FOCAD: variants seen among roughly 807,000 people sequenced by gnomAD.
FOCAD encodes focadhesin, also known as KIAA1797.
A neutral mutation model predicts 225.6 loss-of-function variants in FOCAD; 198 were observed. The ratio of observed to expected loss-of-function variants is 0.88; its 90% CI spans 0.78 to 0.99. The LOEUF (loss-of-function observed/expected upper bound fraction) is 0.99. FOCAD is among the 50% of genes least tolerant of loss of function. FOCAD has a pLI of 0.00. For synonymous variants in FOCAD, 897 were observed against 755.0 expected (o/e 1.19, Z -3.08); for missense variants, 2,713 against 2,123.6 (o/e 1.28, Z -5.46).
chr9:20,924,224 G>GTTCAT (rs1834733890), intron 25 of FOCAD, among the ~76,000 whole-genome samples: 1 of 152,132 alleles, frequency 6.6e-6, no homozygotes, highest in South Asian at 2.1e-4. Context: ...GCTGGCCACT[G>GTTCAT]TTCATTTCTA....
Position 20,862,677 on chromosome 9 carries a change from G to A in FOCAD, c.2020G>A (p.Val674Ile). 2.5e-6 allele frequency: 4 copies of A among 1,613,168 alleles called. No individual in the cohort carries two copies. The highest frequency in any genetic ancestry group is 1.3e-5 in the African/African-American group (1 of 74,974). Residue 674 changes from valine (V) to isoleucine (I), a missense_variant, in exon 16 of 44, where the codon GTT becomes ATT. Transcript: ENST00000338382. ...GACACTGAGTGAACTATTTTCTCTAGTTCCTTCCTTAACGGTCAATACAAC... is the reference window on the plus strand; with the variant it reads ...GACACTGAGTGAACTATTTTCTCTAATTCCTTCCTTAACGGTCAATACAAC... ...LKTLSELFSL[V>I]PSLTVNTTEY...
At chr9:20,788,205 C>G (rs1278517453) in intron 10 of FOCAD, among the ~76,000 whole-genome samples, 1 of 152,124 alleles carries the variant, frequency 6.6e-6, no homozygotes, top group Non-Finnish European at 1.5e-5. Context: ...GTGAAAGAAG[C>G]TGGTCACAAA....
At chr9:20,915,232 A>G (rs764217939) in intron 23 of FOCAD, among the ~76,000 whole-genome samples, 1 of 152,160 alleles carries the variant, frequency 6.6e-6, no homozygotes, top group Non-Finnish European at 1.5e-5. Flanking sequence ...TATTGATGGC[A>G]TTTAAAATCA....
chr9:20,827,908 C>T (rs1000965400), intron 15 of FOCAD, among the ~76,000 whole-genome samples: 1 of 152,070 alleles, frequency 6.6e-6, no homozygotes. Flanking sequence ...CGTGTTGGTT[C>T]ACACCTGTAA....
At chr9:20,819,225 T>G (rs1324820576) in intron 11 of FOCAD, among the ~76,000 whole-genome samples, 1 of 152,104 alleles carries the variant, frequency 6.6e-6, no homozygotes, top group Non-Finnish European at 1.5e-5. Flanking sequence ...TATCTTTTTA[T>G]TTTTTTGAGA....
At chr9:20,759,231 C>G (rs1829343601) in intron 6 of FOCAD, among the ~76,000 whole-genome samples, 1 of 152,000 alleles carries the variant, frequency 6.6e-6, no homozygotes, top group African/African-American at 2.4e-5. Flanking sequence ...CATATGGAAC[C>G]AAAAAAGAGC....
intron 7 of FOCAD, among the ~76,000 whole-genome samples, chr9:20,766,630 G>T (rs905219682): frequency 2.7e-5 from 4 of 149,730 alleles, no homozygotes; most frequent in Non-Finnish European, 5.9e-5. Context: ...TTTCCTTCCC[G>T]TTTTTCCTTC....
intron 1 of FOCAD, among the ~76,000 whole-genome samples, chr9:20,712,123 C>G (rs917652480): frequency 6.6e-6 from 1 of 151,862 alleles, no homozygotes; most frequent in Non-Finnish European, 1.5e-5. Context: ...ACGATCTCTC[C>G]CTCCAAGTTT....
At chr9:20,796,118 T>C (rs1326028402) in intron 11 of FOCAD, among the ~76,000 whole-genome samples, 1 of 152,136 alleles carries the variant, frequency 6.6e-6, no homozygotes, top group East Asian at 1.9e-4. Flanking sequence ...TCCAGCTTCA[T>C]CCATGTCCCT....
chr9:20,774,991 TTGAAATAAAA>T (rs1406888734), intron 8 of FOCAD, among the ~76,000 whole-genome samples: 2 of 152,216 alleles, frequency 1.3e-5, no homozygotes, highest in African/African-American at 4.8e-5. Context: ...GTACTACAAT[TTGAAATAAAA>T]TGAAGTAGAA....
At chr9:20,849,337 T>A (rs140109339) in intron 15 of FOCAD, among the ~76,000 whole-genome samples, 1 of 151,856 alleles carries the variant, frequency 6.6e-6, no homozygotes, top group Non-Finnish European at 1.5e-5. Flanking sequence ...ATCTATCCTC[T>A]CCTTTCCCCC....
In FOCAD at chr9:20,988,503, C is replaced by T. The variant is rs898423623; in HGVS notation, c.5004+74C>T. 5.0e-5 allele frequency: 22 copies of T among 439,062 alleles called. 1 individual carries two copies. Among genetic ancestry groups the T allele is most frequent in the South Asian group, 2.3e-4 (7 of 31,000 alleles). 27.2% of individuals were successfully genotyped at this position (439,062 alleles called of 1,614,324 possible). A position where few individuals can be genotyped will look rare whatever the true frequency, so the allele number is the denominator to read the frequency against. On this transcript the variant is annotated intron_variant, in intron 41 of 43. Coordinates refer to ENST00000338382, the MANE Select transcript of FOCAD (RefSeq NM_001375567.1). Reference sequence around the variant, plus strand: ...TATTAGGTTGGTGCAAAAGTAATTGCGGTTTTGCCATTAATTGGCAAAAAC... The same window carrying T: ...TATTAGGTTGGTGCAAAAGTAATTGTGGTTTTGCCATTAATTGGCAAAAAC...
At chr9:20,658,361 G>A (rs1323880951) in exon 1 of FOCAD, 1 of 172,722 alleles carries the variant, frequency 5.8e-6, no homozygotes, top group Non-Finnish European at 1.2e-5. Context: ...GCAATGGCGG[G>A]CGCCCCTCCC....
At chr9:20,954,529 C>A (rs1464530663) in intron 35 of FOCAD, among the ~76,000 whole-genome samples, 2 of 152,224 alleles carry the variant, frequency 1.3e-5, no homozygotes, top group East Asian at 3.9e-4. Flanking sequence ...ATCCATATTT[C>A]TTGGCAGACA....
At chr9:20,694,947 A>G (rs1227112056) in intron 1 of FOCAD, among the ~76,000 whole-genome samples, 1 of 152,176 alleles carries the variant, frequency 6.6e-6, no homozygotes, top group African/African-American at 2.4e-5. Context: ...AGTTTCCCAA[A>G]TATAATATAA....
intron 11 of FOCAD, among the ~76,000 whole-genome samples, chr9:20,814,753 T>A (rs928600208): frequency 2.0e-5 from 3 of 152,154 alleles, no homozygotes; most frequent in African/African-American, 7.2e-5. Flanking sequence ...TGATAACAAG[T>A]TACATAAACT....
At chr9:20,708,408 C>A (rs76035247) in intron 1 of FOCAD, among the ~76,000 whole-genome samples, 1 of 152,058 alleles carries the variant, frequency 6.6e-6, no homozygotes, top group African/African-American at 2.4e-5. Flanking sequence ...GAATGAAGTA[C>A]TTATTTTTTT....
At chr9:20,862,556 A>G in intron 15 of FOCAD, 22 bp from the exon 16 acceptor site, 1 of 1,610,784 alleles carries the variant, frequency 6.2e-7, no homozygotes, top group Non-Finnish European at 8.5e-7. Flanking sequence ...TTAGGTGTTG[A>G]CCTTTTCTAT....
At chr9:20,748,370 C>T (rs954527196) in intron 5 of FOCAD, among the ~76,000 whole-genome samples, 2 of 151,896 alleles carry the variant, frequency 1.3e-5, no homozygotes, top group Non-Finnish European at 2.9e-5. Context: ...TAGCAACTAC[C>T]TAAGATATAC....
Sources: gnomAD v4.1 joint callset for allele counts (sites outside exome capture counted in the v4.1 genomes callset) on GRCh38, gnomAD v4.1.1 for gene constraint, MANE v1.5 for transcripts, NCBI Gene and HGNC (gene_info 2026-07-23, HGNC 2026-07-21) for gene names.